BTNL8: variants seen among roughly 807,000 people sequenced by gnomAD.
BTNL8 encodes butyrophilin-like protein 8.
BTNL8 carries 22 observed loss-of-function variants against 36.1 expected under a neutral mutation model. That is an observed-to-expected ratio of 0.61 (90% CI 0.44 to 0.87). The LOEUF (loss-of-function observed/expected upper bound fraction) is 0.87. Ranked by LOEUF, BTNL8 falls within the 40% of genes least tolerant of loss-of-function variation. The pLI is 0.00. For synonymous variants in BTNL8, 203 were observed against 235.6 expected (o/e 0.86, Z 1.27); for missense variants, 526 against 616.9 (o/e 0.85, Z 1.56).
chr5:180,926,357 A>C (rs185071356), intron 3 of BTNL8, among the ~76,000 whole-genome samples: 1 of 152,244 alleles, frequency 6.6e-6, no homozygotes, highest in African/African-American at 2.4e-5. Flanking sequence ...TTGGGTGCCT[A>C]CACCACCCGG....
intron 3 of BTNL8, among the ~76,000 whole-genome samples, chr5:180,936,220 A>T (rs145194262): frequency 6.6e-6 from 1 of 152,036 alleles, no homozygotes; most frequent in East Asian, 1.9e-4. Flanking sequence ...TCTTTCTAAC[A>T]TAGTACTGGA....
chr5:180,923,657 AAAAG>A (rs1405049262), intron 3 of BTNL8, among the ~76,000 whole-genome samples: 2 of 152,190 alleles, frequency 1.3e-5, no homozygotes, highest in African/African-American at 2.4e-5. Flanking sequence ...TCATTGCAAA[AAAAG>A]AAAGAAAGTG....
At chr5:180,925,458 C>G (rs937725656) in intron 3 of BTNL8, among the ~76,000 whole-genome samples, 1 of 152,208 alleles carries the variant, frequency 6.6e-6, no homozygotes, top group African/African-American at 2.4e-5. Context: ...TTCAGCCTTT[C>G]TCTTAGCAGC....
At chr5:180,947,441 C>G (rs767120672) in intron 3 of BTNL8, 71 bp from the exon 4 acceptor site, 550 of 1,555,962 alleles carry the variant, frequency 3.5e-4, no homozygotes, top group Non-Finnish European at 4.7e-4. Context: ...AACAAGGTGA[C>G]TCCTTAAAGA....
chr5:180,924,513 C>T (rs1245573505), intron 3 of BTNL8, among the ~76,000 whole-genome samples: 6 of 152,212 alleles, frequency 3.9e-5, no homozygotes, highest in South Asian at 2.1e-4. Flanking sequence ...AGCAGCACCA[C>T]CTGTCACAGG....
At position 180,949,685 on chromosome 5, in the gene BTNL8, G is replaced by GATTGGGACGTCAT. The variant is rs1264238913; in HGVS notation, c.863-214_863-202dup. On this transcript the variant is annotated intron_variant, in intron 7 of 7. Transcript: ENST00000340184. ...GTGGCAGGGTTGGGTGATATGCCGA[G>GATTGGGACGTCAT]ATTGGGACGTCATATTGAGACATAT... 6.5e-6 allele frequency: 4 copies of GATTGGGACGTCAT among 612,138 alleles called. 1 individual carries two copies. Among genetic ancestry groups the GATTGGGACGTCAT allele is most frequent in the Non-Finnish European group, 1.1e-5 (4 of 364,304 alleles). The allele number at this position is 612,138 out of a possible 1,614,324, so 37.9% of individuals were successfully genotyped here.
In BTNL8 at chr5:180,908,675, A is replaced by C. The variant is rs1159793107; in HGVS notation, c.139A>C (p.Asn47His). 5 of 1,614,094 alleles carry C rather than the reference A, an allele frequency of 3.1e-6. No homozygotes were observed. The highest frequency in any genetic ancestry group is 1.7e-5 in the Admixed American group (1 of 60,004). The change falls in exon 2 of 8, where the codon AAT (asparagine) becomes CAT (histidine). Residue 47 changes from asparagine to histidine, a missense_variant. Around this residue, in one of 2 missense-constraint regions of BTNL8, gnomAD observed 350 missense variants for 324.6 expected, o/e 1.08. Transcript: ENST00000340184. ...CTCCTGTTTCCTGTCTCCTAAGACC[A>C]ATGCAGAGGCCATGGAAGTGCGGTT... is the stretch of plus-strand genomic sequence containing the variant. ...AFSCFLSPKT[N>H]AEAMEVRFFR...
chr5:180,912,010 G>C (rs1757422107), intron 3 of BTNL8, among the ~76,000 whole-genome samples: 1 of 152,182 alleles, frequency 6.6e-6, no homozygotes, highest in Non-Finnish European at 1.5e-5. Context: ...CATAATGCGG[G>C]TGGGCTTATC....
intron 1 of BTNL8, among the ~76,000 whole-genome samples, chr5:180,904,922 G>GTTTGAATCCAGTATTTTATTGAGGATT (rs1160687899): frequency 4.1e-4 from 62 of 151,966 alleles, no homozygotes; most frequent in Admixed American, 1.1e-3. Flanking sequence ...GCTGGATTCA[G>GTTTGAATCCAGTATTTTATTGAGGATT]TTTGCCAGTA....
At chr5:180,936,507 A>G (rs1160812858) in intron 3 of BTNL8, among the ~76,000 whole-genome samples, 1 of 152,232 alleles carries the variant, frequency 6.6e-6, no homozygotes, top group Non-Finnish European at 1.5e-5. Flanking sequence ...AAGTACTTAG[A>G]TATAAATTTA....
chr5:180,949,744 T>A, intron 7 of BTNL8, 160 bp from the exon 8 acceptor site: 1 of 904,848 alleles, frequency 1.1e-6, no homozygotes, highest in Non-Finnish European at 1.6e-6. Context: ...GCTGCACTGG[T>A]GATGAGAGGA....
intron 3 of BTNL8, among the ~76,000 whole-genome samples, chr5:180,913,014 A>G (rs1398113749): frequency 6.6e-6 from 1 of 152,206 alleles, no homozygotes; most frequent in Non-Finnish European, 1.5e-5. Context: ...CACAGGGCTA[A>G]GATTGCTGAA....
intron 3 of BTNL8, 121 bp from the exon 4 acceptor site, chr5:180,947,391 A>G: frequency 7.6e-7 from 1 of 1,316,546 alleles, no homozygotes; most frequent in Non-Finnish European, 1.1e-6. Context: ...TATTAAGCCT[A>G]TAGGAGAATT....
At chr5:180,932,821 C>T (rs913435895) in intron 3 of BTNL8, among the ~76,000 whole-genome samples, 2 of 152,116 alleles carry the variant, frequency 1.3e-5, no homozygotes, top group African/African-American at 4.8e-5. Context: ...AAATGGAAGT[C>T]TGTACCTATA....
intron 3 of BTNL8, among the ~76,000 whole-genome samples, chr5:180,915,291 G>C (rs1415152266): frequency 6.6e-6 from 1 of 152,244 alleles, no homozygotes; most frequent in African/African-American, 2.4e-5. Flanking sequence ...CTTCCCTGCA[G>C]ACAGGGTGCC....
chr5:180,946,822 A>G (rs1156864965), intron 3 of BTNL8, among the ~76,000 whole-genome samples: 1 of 152,188 alleles, frequency 6.6e-6, no homozygotes, highest in African/African-American at 2.4e-5. Flanking sequence ...AGCTTGATTT[A>G]ATCATTCCAC....
At chr5:180,907,906 C>T (rs558210553) in intron 1 of BTNL8, among the ~76,000 whole-genome samples, 15 of 151,810 alleles carry the variant, frequency 9.9e-5, no homozygotes, top group African/African-American at 2.9e-4. Flanking sequence ...GCTGGGAGAA[C>T]CACTGCTCTC....
intron 3 of BTNL8, among the ~76,000 whole-genome samples, chr5:180,916,444 C>T (rs1388119006): frequency 6.6e-6 from 1 of 151,020 alleles, no homozygotes; most frequent in Non-Finnish European, 1.5e-5. Flanking sequence ...AAAACTAAGC[C>T]AAAATTTAGC....
intron 3 of BTNL8, among the ~76,000 whole-genome samples, chr5:180,919,894 A>T (rs1283654445): frequency 6.6e-6 from 1 of 152,202 alleles, no homozygotes; most frequent in Admixed American, 6.5e-5. Flanking sequence ...CTATAACACA[A>T]ATAAATAGAA....
Sources: gnomAD v4.1 joint callset for allele counts (sites outside exome capture counted in the v4.1 genomes callset) on GRCh38, gnomAD v4.1.1 for gene constraint, gnomAD v4.1.1 regional missense constraint, MANE v1.5 for transcripts, NCBI Gene and HGNC (gene_info 2026-07-23, HGNC 2026-07-21) for gene names.